The following SH3D19 variants were observed in gnomAD, a reference collection of about 807,000 sequenced individuals.
SH3D19 encodes the protein SH3 domain-containing protein 19.
Under a neutral mutation model 112.1 loss-of-function variants are expected in SH3D19, and 58 were observed. That is an observed-to-expected ratio of 0.52 (90% CI 0.42 to 0.64). The LOEUF (loss-of-function observed/expected upper bound fraction) is 0.64, where lower values mean the gene tolerates loss of function less well. SH3D19 is among the 30% of genes least tolerant of loss of function. The probability of loss-of-function intolerance (pLI) is 0.00; values close to 1 mark genes in which losing one functional copy is unlikely to be tolerated. For synonymous variants in SH3D19, 391 were observed against 448.5 expected (o/e 0.87, Z 1.62); for missense variants, 1,090 against 1,263.4 (o/e 0.86, Z 2.08).
intron 14 of SH3D19, among the ~76,000 whole-genome samples, chr4:151,136,076 T>C (rs1751787976): frequency 6.6e-6 from 1 of 152,206 alleles, no homozygotes; most frequent in East Asian, 1.9e-4. Flanking sequence ...CTGAAATATT[T>C]TCCCCCTTCA....
chr4:151,253,004 T>C (rs535162398), intron 1 of SH3D19, among the ~76,000 whole-genome samples: 10 of 152,354 alleles, frequency 6.6e-5, no homozygotes, highest in African/African-American at 2.4e-4. Flanking sequence ...TTCACTGCAA[T>C]AGTTTTCTGC....
At chr4:151,202,717 C>T (rs1764575549) in intron 2 of SH3D19, among the ~76,000 whole-genome samples, 1 of 152,122 alleles carries the variant, frequency 6.6e-6, no homozygotes, top group East Asian at 1.9e-4. Flanking sequence ...TTTTAACAAC[C>T]TTACTTTCAA....
chr4:151,317,469 A>G (rs1037307639), intron 1 of SH3D19, among the ~76,000 whole-genome samples: 2 of 152,226 alleles, frequency 1.3e-5, no homozygotes, highest in Non-Finnish European at 2.9e-5. Context: ...AAGGGAAAAC[A>G]GTGAATATGC....
At chr4:151,182,298 T>C (rs1442425191) in intron 3 of SH3D19, among the ~76,000 whole-genome samples, 2 of 152,198 alleles carry the variant, frequency 1.3e-5, no homozygotes, top group Non-Finnish European at 1.5e-5. Context: ...CTGTCTGCAG[T>C]TTTTAACAAC....
Position 151,128,268 on chromosome 4 carries a change from C to T in SH3D19, c.2831G>A (p.Arg944Gln), listed in dbSNP as rs748722268. 30 of 1,613,964 alleles carry T rather than the reference C, an allele frequency of 1.9e-5. No individual in the cohort carries two copies. The highest frequency in any genetic ancestry group is 4.0e-5 in the African/African-American group (3 of 74,902). Residue 944 changes from arginine to glutamine, a missense_variant, in exon 18 of 20, where the codon CGG (arginine) becomes CAG (glutamine). Coordinates refer to ENST00000604030, the MANE Select transcript of SH3D19 (RefSeq NM_001378122.1). ...ATCCAGACGTTCCAGAATCTGGATC[C>T]GGTCTCCCCTCTTGAATGATAAGTC... The part of the protein sequence containing the change: ...SDDLSFKRGD[R>Q]IQILERLDSD...
chr4:151,154,432 C>T (rs1755688077), intron 9 of SH3D19, among the ~76,000 whole-genome samples: 1 of 147,412 alleles, frequency 6.8e-6, no homozygotes, highest in African/African-American at 2.7e-5. Context: ...TTGCGCCCGG[C>T]CCACACCTGG....
chr4:151,147,446 T>A (rs180978792), intron 11 of SH3D19, among the ~76,000 whole-genome samples: 1 of 152,280 alleles, frequency 6.6e-6, no homozygotes, highest in African/African-American at 2.4e-5. Context: ...AATGAAACCC[T>A]GCTTTAAAGA....
intron 15 of SH3D19, among the ~76,000 whole-genome samples, chr4:151,133,558 A>G (rs1048303160): frequency 6.6e-6 from 1 of 152,172 alleles, no homozygotes; most frequent in African/African-American, 2.4e-5. Flanking sequence ...TCCGTGGTCC[A>G]GTCTGAACCC....
chr4:151,308,188 G>A (rs911739394), intron 1 of SH3D19, among the ~76,000 whole-genome samples: 3 of 152,180 alleles, frequency 2.0e-5, no homozygotes, highest in Non-Finnish European at 4.4e-5. Flanking sequence ...TTACAAGCAT[G>A]AGCCACCATG....
intron 1 of SH3D19, among the ~76,000 whole-genome samples, chr4:151,251,887 C>T (rs998436402): frequency 4.6e-5 from 7 of 152,204 alleles, no homozygotes; most frequent in South Asian, 2.1e-4. Context: ...ATGACTAGCA[C>T]ACTTCTCCAT....
At chr4:151,185,923 C>G (rs1448627144) in intron 3 of SH3D19, among the ~76,000 whole-genome samples, 1 of 152,032 alleles carries the variant, frequency 6.6e-6, no homozygotes, top group Admixed American at 6.6e-5. Flanking sequence ...GCCTGTAATC[C>G]CAGCTACTCA....
At chr4:151,254,318 T>G (rs1432886191) in intron 1 of SH3D19, among the ~76,000 whole-genome samples, 2 of 151,524 alleles carry the variant, frequency 1.3e-5, no homozygotes, top group East Asian at 1.9e-4. Flanking sequence ...TATTTATTTA[T>G]TTTTTAAATT....
rs79962060 is a variant in SH3D19, at chr4:151,187,862, T to A, written c.153-399A>T. Among the ~76,000 whole-genome samples, 1,147 of 152,324 alleles carry A rather than the reference T, an allele frequency of 7.5e-3. 13 individuals carry two copies. Among genetic ancestry groups the A allele is most frequent in the South Asian group, 0.025 (121 of 4,828 alleles). On this transcript the variant is annotated intron_variant, in intron 2 of 19. Coordinates refer to ENST00000604030, the MANE Select transcript of SH3D19 (RefSeq NM_001378122.1). ...ATCACATCAAAGTACATAATCTATA[T>A]AGTCAATTTGACCTAAGGAACAACA...
chr4:151,318,151 A>AG (rs937119272), intron 1 of SH3D19, among the ~76,000 whole-genome samples: 2 of 150,502 alleles, frequency 1.3e-5, no homozygotes, highest in African/African-American at 4.9e-5. Flanking sequence ...CAAAAAAAAA[A>AG]TTAGCCGGGC....
intron 19 of SH3D19, among the ~76,000 whole-genome samples, chr4:151,125,441 G>A (rs1254863303): frequency 1.4e-5 from 2 of 138,202 alleles, no homozygotes; most frequent in Non-Finnish European, 3.1e-5. Flanking sequence ...ACCTCAGCCT[G>A]GGCAACAGAG....
At chr4:151,222,971 T>C (rs1768340695) in intron 2 of SH3D19, among the ~76,000 whole-genome samples, 1 of 151,538 alleles carries the variant, frequency 6.6e-6, no homozygotes, top group African/African-American at 2.4e-5. Context: ...CCGGCCTCTT[T>C]GGTCTCTTGT....
At chr4:151,306,236 T>G (rs1728900626) in intron 1 of SH3D19, among the ~76,000 whole-genome samples, 3 of 152,152 alleles carry the variant, frequency 2.0e-5, no homozygotes, top group African/African-American at 7.2e-5. Context: ...TGTAATAAAA[T>G]TCATAGAACT....
At position 151,149,542 on chromosome 4, in the gene SH3D19, T is replaced by C; in HGVS notation, c.1775A>G (p.Gln592Arg). 6.2e-7 allele frequency: 1 copy of C among 1,611,738 alleles called. No homozygotes were observed. Among genetic ancestry groups the C allele is most frequent in the South Asian group, 1.1e-5 (1 of 90,480 alleles). Residue 592 changes from glutamine (Q) to arginine (R), a missense_variant, in exon 10 of 20, where the codon CAA becomes CGA. Transcript: ENST00000604030. ...TRNLESNHPG[Q>R]TGGFVRVPPR... ...GGGTACTCGCACAAAACCTCCTGTTTGACCTGGGTGGTTGGATTCCTGCAA... is the reference window on the plus strand; with the variant it reads ...GGGTACTCGCACAAAACCTCCTGTTCGACCTGGGTGGTTGGATTCCTGCAA...
chr4:151,272,658 T>A (rs1773305768), intron 1 of SH3D19, among the ~76,000 whole-genome samples: 3 of 152,246 alleles, frequency 2.0e-5, no homozygotes, highest in African/African-American at 7.2e-5. Context: ...TGTCCTACAT[T>A]CTGGATTTGT....
Sources: gnomAD v4.1 joint callset for allele counts (sites outside exome capture counted in the v4.1 genomes callset) on GRCh38, gnomAD v4.1.1 for gene constraint, MANE v1.5 for transcripts, NCBI Gene and HGNC (gene_info 2026-07-23, HGNC 2026-07-21) for gene names.